Variants in PXK observed in about 807,000 individuals in gnomAD.
PXK encodes the protein PX domain-containing protein kinase-like protein.
PXK carries 35 observed loss-of-function variants against 84.7 expected under a neutral mutation model. That is an observed-to-expected ratio of 0.41 (90% CI 0.32 to 0.55). The LOEUF (loss-of-function observed/expected upper bound fraction) is 0.55. PXK is among the 20% of genes least tolerant of loss of function. The probability of loss-of-function intolerance (pLI) is 0.21; values close to 1 mark genes in which losing one functional copy is unlikely to be tolerated. For missense variants in PXK, 634 were observed against 699.7 expected (o/e 0.91, Z 1.06); for synonymous variants, 253 against 260.8 (o/e 0.97, Z 0.29).
At chr3:58,350,592 A>G (rs1321268743) in intron 1 of PXK, among the ~76,000 whole-genome samples, 1 of 152,286 alleles carries the variant, frequency 6.6e-6, no homozygotes, top group East Asian at 1.9e-4. Flanking sequence ...GGTGGAGTCT[A>G]TTCTCATCAC....
chr3:58,372,622 A>G (rs1377001179), intron 3 of PXK, among the ~76,000 whole-genome samples: 11 of 147,478 alleles, frequency 7.5e-5, no homozygotes. Context: ...CAAAAGCTGC[A>G]TTTTCTAAAG....
chr3:58,349,118 C>T (rs115159682), intron 1 of PXK, among the ~76,000 whole-genome samples: 2,136 of 150,716 alleles, frequency 0.014, 63 homozygotes, highest in African/African-American at 0.049. Context: ...CCTGTAGCCC[C>T]AGTTACTAGG....
In PXK at chr3:58,364,873, C is replaced by T. The variant is rs75963576; in HGVS notation, c.103-1001C>T. On this transcript the variant is annotated intron_variant, in intron 1 of 17. Transcript: ENST00000356151. This position sits in a 1 kb window ranked among gnomAD's most constrained non-coding sequence, Gnocchi z 4.3. ...CTTATCCATTTGATATCTGCACAGT[C>T]TGTAGTGGTATCCTAATTCATTCTT... 0.014 allele frequency among the ~76,000 whole-genome samples: 2,150 copies of T among 152,202 alleles called. 61 individuals carry two copies. Among genetic ancestry groups the T allele is most frequent in the African/African-American group, 0.049 (2,022 of 41,512 alleles).
intron 3 of PXK, among the ~76,000 whole-genome samples, chr3:58,373,526 G>A (rs1399435856): frequency 6.6e-6 from 1 of 152,176 alleles, no homozygotes; most frequent in East Asian, 1.9e-4. Flanking sequence ...TGTACTCCAG[G>A]GGACAGCAGG....
In PXK at chr3:58,379,776, C is replaced by T. The variant is rs1340665443; in HGVS notation, c.202-2738C>T. 1.3e-5 allele frequency among the ~76,000 whole-genome samples: 2 copies of T among 152,108 alleles called. No individual in the cohort carries two copies. Among genetic ancestry groups the T allele is most frequent in the East Asian group, 3.9e-4 (2 of 5,186 alleles). The stretch of plus-strand genomic sequence containing the variant: ...GAAGGGCTAAAAGATAAAGGAAATA[C>T]TCTTTAAAAAAAAGAAAAGCGAAAT... On this transcript the variant is annotated intron_variant, in intron 3 of 17. Transcript: ENST00000356151. This position sits in a 1 kb window ranked among gnomAD's most constrained non-coding sequence, Gnocchi z 5.1.
rs568732141 is a variant in PXK, at chr3:58,401,582, C to T, written c.1181+2205C>T. On this transcript the variant is annotated intron_variant, in intron 12 of 17. Transcript: ENST00000356151. The surrounding 1 kb of genome is among the most constrained non-coding windows in gnomAD (Gnocchi z 4.4). The stretch of plus-strand genomic sequence containing the variant: ...TTGAGGTTGCAGTGAGCTGTGAACT[C>T]ACCACTGCACTCCAGCCTAGATGAC... Among the ~76,000 whole-genome samples, 1 of 152,134 alleles carries T rather than the reference C, an allele frequency of 6.6e-6. No homozygotes were observed. Among genetic ancestry groups the T allele is most frequent in the Non-Finnish European group, 1.5e-5 (1 of 68,020 alleles).
intron 9 of PXK, among the ~76,000 whole-genome samples, chr3:58,396,580 C>T (rs1281392777): frequency 2.0e-5 from 3 of 152,204 alleles, no homozygotes; most frequent in Admixed American, 6.5e-5. Context: ...TATTAATAAA[C>T]AGCTAAATAT....
At chr3:58,340,269 C>T (rs905500543) in intron 1 of PXK, among the ~76,000 whole-genome samples, 4 of 151,558 alleles carry the variant, frequency 2.6e-5, no homozygotes, top group African/African-American at 7.3e-5. Flanking sequence ...ACTACAGACA[C>T]GCATCACAAT....
chr3:58,356,980 A>G (rs2098094650), intron 1 of PXK, among the ~76,000 whole-genome samples: 2 of 150,110 alleles, frequency 1.3e-5, no homozygotes, highest in South Asian at 4.3e-4. Context: ...TGGTATATCG[A>G]GCAATCTAGA....
intron 1 of PXK, among the ~76,000 whole-genome samples, chr3:58,348,785 T>G (rs2097865117): frequency 6.6e-6 from 1 of 150,958 alleles, no homozygotes; most frequent in Non-Finnish European, 1.5e-5. Flanking sequence ...TGTGGTGGCA[T>G]ACCTGTAGTC....
intron 4 of PXK, among the ~76,000 whole-genome samples, chr3:58,388,239 C>A (rs150546263): frequency 9.4e-4 from 143 of 152,296 alleles, no homozygotes; most frequent in African/African-American, 3.4e-3. Flanking sequence ...TCACAGTCCT[C>A]AGTTTATCAG....
intron 4 of PXK, among the ~76,000 whole-genome samples, chr3:58,387,125 G>A (rs1002344322): frequency 6.6e-6 from 1 of 152,154 alleles, no homozygotes; most frequent in African/African-American, 2.4e-5. Context: ...GCTCGCACTG[G>A]GGGCGCCTGG....
In PXK at chr3:58,414,146, C is replaced by T. The variant is rs1011841297; in HGVS notation, c.1528+1183C>T. 2.9e-5 allele frequency: 4 copies of T among 139,932 alleles called. No homozygotes were observed. Among genetic ancestry groups the T allele is most frequent in the African/African-American group, 9.7e-5 (4 of 41,160 alleles). 8.7% of individuals were successfully genotyped at this position (139,932 alleles called of 1,614,324 possible). ...CTTTTTTGTCTTTTATGGAGATACA[C>T]TGTTTAGGCTGATCAGAAATGTCTG... On this transcript the variant is annotated intron_variant, in intron 17 of 17. Coordinates refer to ENST00000356151, the MANE Select transcript of PXK (RefSeq NM_017771.5). The surrounding 1 kb of genome is among the most constrained non-coding windows in gnomAD (Gnocchi z 4.5).
At chr3:58,374,043 C>CAAA (rs771908415) in intron 3 of PXK, among the ~76,000 whole-genome samples, 3 of 87,694 alleles carry the variant, frequency 3.4e-5, no homozygotes, top group African/African-American at 4.7e-5. Context: ...GACTCCGTCT[C>CAAA]AAAAAAAAAA....
chr3:58,422,950 A>T, intron 17 of PXK: 1 of 985,340 alleles, frequency 1.0e-6, no homozygotes, highest in Non-Finnish European at 1.2e-6. Context: ...CTGTTACACT[A>T]CGTGGCCCTG....
chr3:58,420,646 G>C (rs79725811), intron 17 of PXK: 2 of 1,530,926 alleles, frequency 1.3e-6, no homozygotes, highest in Admixed American at 4.0e-5. Context: ...AAAGTGTCTC[G>C]ATTGCTGAAG....
At chr3:58,387,196 T>C (rs576833973) in intron 4 of PXK, among the ~76,000 whole-genome samples, 1 of 152,294 alleles carries the variant, frequency 6.6e-6, no homozygotes, top group East Asian at 1.9e-4. Context: ...CCATTTCCTG[T>C]CTCCAGCTTG....
At chr3:58,342,065 GT>G (rs11425273) in intron 1 of PXK, among the ~76,000 whole-genome samples, 61 of 148,758 alleles carry the variant, frequency 4.1e-4, no homozygotes, top group African/African-American at 1.3e-3. Context: ...AACTCAGAAT[GT>G]TTTTTTTTTA....
intron 4 of PXK, among the ~76,000 whole-genome samples, chr3:58,389,938 G>A (rs1411800935): frequency 6.8e-6 from 1 of 146,740 alleles, no homozygotes; most frequent in African/African-American, 2.5e-5. Flanking sequence ...GGTGGAGGTT[G>A]CGGTGAGCCG....
Sources: allele counts gnomAD v4.1 joint callset (sites outside exome capture counted in the v4.1 genomes callset), GRCh38; gene constraint gnomAD v4.1.1; non-coding constraint Gnocchi (gnomAD v3.1); transcripts MANE v1.5; gene names NCBI Gene and HGNC (gene_info 2026-07-23, HGNC 2026-07-21).